OSBPL6: variants seen among roughly 807,000 people sequenced by gnomAD.
OSBPL6 encodes oxysterol binding protein like 6, also known as oxysterol-binding protein-related protein 6.
Under a neutral mutation model 125.8 loss-of-function variants are expected in OSBPL6, and 49 were observed. That is an observed-to-expected ratio of 0.39 (90% CI 0.31 to 0.49). OSBPL6 has a LOEUF of 0.49. Ranked by LOEUF, OSBPL6 falls within the 20% of genes least tolerant of loss-of-function variation. The pLI, the probability that OSBPL6 is intolerant of heterozygous loss-of-function variation, is 0.88. For missense variants in OSBPL6, 986 were observed against 1,135.4 expected (o/e 0.87, Z 1.89); for synonymous variants, 394 against 391.8 (o/e 1.01, Z -0.07).
intron 1 of OSBPL6, among the ~76,000 whole-genome samples, chr2:178,259,806 G>A (rs889895910): frequency 1.6e-4 from 24 of 152,312 alleles, no homozygotes; most frequent in Middle Eastern, 3.4e-3. Context: ...ATATTGCTGA[G>A]TTACTCATAA....
Position 178,382,378 on chromosome 2 carries a change from T to C in OSBPL6, c.1534-42T>C, listed in dbSNP as rs767921036. On this transcript the variant is annotated intron_variant, in intron 15 of 24. Coordinates refer to ENST00000190611, the MANE Select transcript of OSBPL6 (RefSeq NM_032523.4). ...ATTTGATTATCTGAGCTTGCAAAACTGAACAAGAATTCTGATCCTTGTATG... is the reference window on the plus strand; with the variant it reads ...ATTTGATTATCTGAGCTTGCAAAACCGAACAAGAATTCTGATCCTTGTATG... The C allele has an allele frequency of 6.5e-6, 10 of 1,545,976 alleles. No individual in the cohort carries two copies. In the East Asian group the frequency reaches 9.1e-5, roughly 14 times the overall value.
intron 13 of OSBPL6, 36 bp downstream of exon 13, chr2:178,361,851 C>G: frequency 6.2e-7 from 1 of 1,612,544 alleles, no homozygotes; most frequent in East Asian, 2.2e-5. Context: ...GTACATGACA[C>G]ACTCCCAACC....
At chr2:178,289,490 A>G (rs1685040759) in intron 2 of OSBPL6, among the ~76,000 whole-genome samples, 1 of 152,108 alleles carries the variant, frequency 6.6e-6, no homozygotes, top group Non-Finnish European at 1.5e-5. Flanking sequence ...CCACCCCTGC[A>G]TTTTCCAGTA....
chr2:178,313,816 C>T (rs953381625), intron 3 of OSBPL6, among the ~76,000 whole-genome samples: 1 of 152,186 alleles, frequency 6.6e-6, no homozygotes, highest in African/African-American at 2.4e-5. Flanking sequence ...TTAAGGCCAT[C>T]CCCAGCAGTG....
intron 2 of OSBPL6, among the ~76,000 whole-genome samples, chr2:178,297,140 A>T (rs1235053457): frequency 6.6e-6 from 1 of 152,052 alleles, no homozygotes; most frequent in Non-Finnish European, 1.5e-5. Context: ...TAGTACTGTT[A>T]GCAGTCTGGC....
At chr2:178,354,507 G>A (rs1484555590) in intron 12 of OSBPL6, among the ~76,000 whole-genome samples, 1 of 152,138 alleles carries the variant, frequency 6.6e-6, no homozygotes. Context: ...TTACATAATG[G>A]TAAAGTGATC....
At chr2:178,363,488 A>G (rs1692539808) in intron 13 of OSBPL6, among the ~76,000 whole-genome samples, 1 of 152,170 alleles carries the variant, frequency 6.6e-6, no homozygotes, top group South Asian at 2.1e-4. Flanking sequence ...AGCACACCGT[A>G]GTACATTCAG....
intron 1 of OSBPL6, among the ~76,000 whole-genome samples, chr2:178,201,163 A>C (rs334107): frequency 0.067 from 10,224 of 152,202 alleles, 972 homozygotes; most frequent in African/African-American, 0.21. Context: ...ATTAAGATTA[A>C]ATTTACCTTT....
chr2:178,220,641 C>CT (rs1286811650), intron 1 of OSBPL6, among the ~76,000 whole-genome samples: 1 of 152,126 alleles, frequency 6.6e-6, no homozygotes, highest in Non-Finnish European at 1.5e-5. Context: ...AATTTGAAAT[C>CT]TTTGTTTATA....
chr2:178,291,665 T>TTCCTTC lies in OSBPL6; in HGVS notation c.-156+6544_-156+6545insTCCTTC, dbSNP rs1685274063. Among the ~76,000 whole-genome samples the TTCCTTC allele has an allele frequency of 3.7e-5, 5 of 135,506 alleles. No homozygotes were observed. In the East Asian group the frequency reaches 1.2e-3, roughly 32 times the overall value. The allele number at this position is 135,506 out of a possible 152,430, so 88.9% of individuals were successfully genotyped here. A position where few individuals can be genotyped will look rare whatever the true frequency, so the allele number is the denominator to read the frequency against. The stretch of plus-strand genomic sequence containing the variant: ...ATAGAAAATATAGGAACAGGTAGTC[T>TTCCTTC]CTTCCTTCCTTCCTTCCTTCCTTCC... On this transcript the variant is annotated intron_variant, in intron 2 of 24. Coordinates refer to ENST00000190611, the MANE Select transcript of OSBPL6 (RefSeq NM_032523.4).
At chr2:178,374,096 CTG>C in intron 15 of OSBPL6, 69 bp downstream of exon 15, 2 of 1,521,404 alleles carry the variant, frequency 1.3e-6, no homozygotes, top group Non-Finnish European at 8.9e-7. Context: ...GAACATAAAA[CTG>C]TGGAACTTTT....
chr2:178,312,757 CTCTT>C (rs1687403592), intron 3 of OSBPL6, among the ~76,000 whole-genome samples: 4 of 151,708 alleles, frequency 2.6e-5, no homozygotes, highest in African/African-American at 7.3e-5. Context: ...CACCCAGCCT[CTCTT>C]TATTTTAAAA....
chr2:178,353,431 CA>C (rs2154092523), intron 12 of OSBPL6, among the ~76,000 whole-genome samples: 1 of 152,214 alleles, frequency 6.6e-6, no homozygotes, highest in African/African-American at 2.4e-5. Flanking sequence ...AACCATGGCA[CA>C]AGAACTTTGT....
chr2:178,364,383 G>A (rs989606351), intron 13 of OSBPL6, among the ~76,000 whole-genome samples: 1 of 152,176 alleles, frequency 6.6e-6, no homozygotes, highest in Non-Finnish European at 1.5e-5. Flanking sequence ...GGAATTGGGA[G>A]GCAAGGCTAG....
At chr2:178,373,532 G>T (rs1693594850) in intron 14 of OSBPL6, among the ~76,000 whole-genome samples, 1 of 152,150 alleles carries the variant, frequency 6.6e-6, no homozygotes, top group African/African-American at 2.4e-5. Flanking sequence ...TAGTTTCTAC[G>T]AATATTTCTT....
At chr2:178,382,273 T>C in intron 15 of OSBPL6, 147 bp from the exon 16 acceptor site, 1 of 964,016 alleles carries the variant, frequency 1.0e-6, no homozygotes, top group Non-Finnish European at 1.5e-6. Context: ...GACCCTCAAG[T>C]GTTCATTGCA....
At chr2:178,277,471 C>G (rs62177257) in intron 1 of OSBPL6, among the ~76,000 whole-genome samples, 1 of 152,082 alleles carries the variant, frequency 6.6e-6, no homozygotes, top group Non-Finnish European at 1.5e-5. Context: ...AAAACACTTT[C>G]CCTACCCTCA....
chr2:178,369,991 A>G lies in OSBPL6; in HGVS notation c.1288-2135A>G, dbSNP rs577575618. Among the ~76,000 whole-genome samples the G allele has an allele frequency of 3.0e-3, 456 of 152,282 alleles. 4 individuals carry two copies. The highest frequency in any genetic ancestry group is 0.01 in the African/African-American group (436 of 41,568). On this transcript the variant is annotated intron_variant, in intron 13 of 24. Coordinates refer to ENST00000190611, the MANE Select transcript of OSBPL6 (RefSeq NM_032523.4). ...TCAAGACTGTGATTCTGGGCTGGGC[A>G]GGGTAGCTCCTGCCTGTAATCCCAG...
chr2:178,310,906 C>G (rs1400747120), intron 3 of OSBPL6, among the ~76,000 whole-genome samples: 2 of 152,206 alleles, frequency 1.3e-5, no homozygotes, highest in Non-Finnish European at 2.9e-5. Flanking sequence ...CCACCTTGGT[C>G]TGAGCCACCG....
Sources: allele counts gnomAD v4.1 joint callset (sites outside exome capture counted in the v4.1 genomes callset), GRCh38; gene constraint gnomAD v4.1.1; transcripts MANE v1.5; gene names NCBI Gene and HGNC (gene_info 2026-07-23, HGNC 2026-07-21).